The following SLC8A1 variants were observed in gnomAD, a reference collection of about 807,000 sequenced individuals.
SLC8A1 encodes the protein sodium/calcium exchanger 1.
In SLC8A1, 18 loss-of-function variants were observed where a neutral mutation model predicts 68.3. The ratio of observed to expected loss-of-function variants is 0.26; its 90% CI spans 0.18 to 0.39. The LOEUF (loss-of-function observed/expected upper bound fraction) is 0.39. SLC8A1 is among the 10% of genes least tolerant of loss of function. The pLI is 1.00. For synonymous variants in SLC8A1, 475 were observed against 415.5 expected, an observed-to-expected ratio of 1.14 and a Z score of -1.74; for missense variants, 985 against 1,156.7, an observed-to-expected ratio of 0.85 and a Z score of 2.15.
upstream of SLC8A1, among the ~76,000 whole-genome samples, chr2:40,454,187 G>A (rs1346170615): frequency 6.6e-6 from 1 of 152,186 alleles, no homozygotes; most frequent in Non-Finnish European, 1.5e-5. Context: ...GGAGAGAAAA[G>A]TGGCTGCCTT....
At chr2:40,192,450 T>C (rs2052060255) in intron 2 of SLC8A1, among the ~76,000 whole-genome samples, 1 of 152,094 alleles carries the variant, frequency 6.6e-6, no homozygotes, top group Admixed American at 6.6e-5. Flanking sequence ...AAATACTTTA[T>C]TAAATATTTA....
At chr2:40,326,660 A>C (rs1175583220) in intron 2 of SLC8A1, among the ~76,000 whole-genome samples, 1 of 152,202 alleles carries the variant, frequency 6.6e-6, no homozygotes, top group East Asian at 1.9e-4. Flanking sequence ...TGAAGAGATG[A>C]AACAAATTTC....
intron 1 of SLC8A1, among the ~76,000 whole-genome samples, chr2:40,496,911 C>G (rs1705739462): frequency 9.1e-6 from 1 of 109,424 alleles, no homozygotes; most frequent in South Asian, 3.0e-4. Flanking sequence ...ATATCACACT[C>G]TGGGGACTGT....
chr2:40,215,643 C>CAAAAA (rs56191722), intron 2 of SLC8A1, among the ~76,000 whole-genome samples: 9 of 69,926 alleles, frequency 1.3e-4, no homozygotes, highest in African/African-American at 5.2e-4. Context: ...GACTCCGTCT[C>CAAAAA]AAAAAAAAAA....
chr2:40,167,976 G>T (rs1215843627), intron 4 of SLC8A1, among the ~76,000 whole-genome samples: 5 of 152,072 alleles, frequency 3.3e-5, no homozygotes, highest in Non-Finnish European at 7.3e-5. Context: ...GAATATAGTA[G>T]GTGCTCAATA....
intron 2 of SLC8A1, among the ~76,000 whole-genome samples, chr2:40,260,283 G>C (rs554012494): frequency 6.6e-6 from 1 of 152,182 alleles, no homozygotes; most frequent in Non-Finnish European, 1.5e-5. Context: ...GGGAACCAGG[G>C]AAGGGCTGTT....
intron 2 of SLC8A1, among the ~76,000 whole-genome samples, chr2:40,425,098 T>C (rs1412489791): frequency 6.6e-6 from 1 of 151,854 alleles, no homozygotes; most frequent in African/African-American, 2.4e-5. Context: ...TTAGTTGGCA[T>C]TGGTTTAGTA....
chr2:40,511,670 A>C (rs886350295), intron 1 of SLC8A1, among the ~76,000 whole-genome samples: 3 of 152,242 alleles, frequency 2.0e-5, no homozygotes, highest in Middle Eastern at 3.4e-3. Flanking sequence ...CTCAAGTTCC[A>C]AAGTTTTCAG....
chr2:40,367,356 C>T (rs1390329112), intron 2 of SLC8A1, among the ~76,000 whole-genome samples: 1 of 152,002 alleles, frequency 6.6e-6, no homozygotes, highest in East Asian at 1.9e-4. Context: ...CCTTTACATC[C>T]ATTGTGCTAT....
chr2:40,437,337 C>T (rs908187463), intron 1 of SLC8A1, among the ~76,000 whole-genome samples: 1 of 152,076 alleles, frequency 6.6e-6, no homozygotes. Context: ...CATCAAGGAG[C>T]CTCACATGTT....
intron 2 of SLC8A1, among the ~76,000 whole-genome samples, chr2:40,185,336 A>T (rs890417042): frequency 3.3e-5 from 5 of 152,234 alleles, no homozygotes; most frequent in African/African-American, 1.2e-4. Context: ...AAGTGGAAAC[A>T]ACTTAGGTTC....
At chr2:40,185,063 A>AT (rs1474488385) in intron 2 of SLC8A1, among the ~76,000 whole-genome samples, 1 of 152,194 alleles carries the variant, frequency 6.6e-6, no homozygotes, top group East Asian at 1.9e-4. Flanking sequence ...GGGAGATACC[A>AT]TGTCACACCC....
chr2:40,372,863 A>T (rs1678581745), intron 2 of SLC8A1, among the ~76,000 whole-genome samples: 1 of 152,098 alleles, frequency 6.6e-6, no homozygotes, highest in South Asian at 2.1e-4. Context: ...GTGTTAACAT[A>T]GGGAGGGATA....
chr2:40,342,667 A>G (rs577740348), intron 2 of SLC8A1, among the ~76,000 whole-genome samples: 7 of 152,124 alleles, frequency 4.6e-5, no homozygotes, highest in Non-Finnish European at 1.0e-4. Context: ...TAAAAAGTGG[A>G]TCCTTCTAAT....
intron 1 of SLC8A1, among the ~76,000 whole-genome samples, chr2:40,433,978 T>G (rs1315670399): frequency 2.0e-5 from 3 of 152,168 alleles, no homozygotes. Context: ...AGGGCTAGCA[T>G]GTTCCTAGAG....
At position 40,253,794 on chromosome 2, in the gene SLC8A1, T is replaced by G. The variant is rs1407382121; in HGVS notation, c.1809-75939A>C. Among the ~76,000 whole-genome samples the G allele has an allele frequency of 2.3e-4, 28 of 120,380 alleles. No homozygotes were observed. The South Asian group carries it at 7.3e-3, about 31-fold the overall frequency. 79.0% of individuals were successfully genotyped at this position (120,380 alleles called of 152,430 possible). A position where few individuals can be genotyped will look rare whatever the true frequency, so the allele number is the denominator to read the frequency against. The stretch of plus-strand genomic sequence containing the variant: ...GTGAGCCGAGATCATGCCATTGCAC[T>G]CCAGCCTGTGCAACAGAGCCAAACT... On this transcript the variant is annotated intron_variant, in intron 2 of 7. Coordinates refer to ENST00000406785, the Ensembl canonical transcript of SLC8A1.
intron 2 of SLC8A1, among the ~76,000 whole-genome samples, chr2:40,272,361 G>A (rs2066151467): frequency 6.6e-6 from 1 of 152,136 alleles, no homozygotes. Context: ...GGGAGATAAG[G>A]AGGGAGAAAG....
chr2:40,275,225 C>G (rs905909492), intron 2 of SLC8A1, among the ~76,000 whole-genome samples: 1 of 152,038 alleles, frequency 6.6e-6, no homozygotes, highest in African/African-American at 2.4e-5. Flanking sequence ...CTGTATATAC[C>G]TTTGCAGGTA....
intron 2 of SLC8A1, among the ~76,000 whole-genome samples, chr2:40,303,345 G>C (rs2071898896): frequency 6.6e-6 from 1 of 152,164 alleles, no homozygotes. Flanking sequence ...AGCCTGATTG[G>C]TGGCTAGAGT....
Sources: allele counts gnomAD v4.1 joint callset (sites outside exome capture counted in the v4.1 genomes callset), GRCh38; gene constraint gnomAD v4.1.1; transcripts MANE v1.5; gene names NCBI Gene and HGNC (gene_info 2026-07-23, HGNC 2026-07-21).